B3GALT5: variants seen among roughly 807,000 people sequenced by gnomAD.
The protein encoded by B3GALT5 is UDP-Gal:betaGlcNAc beta 1,3-galactosyltransferase, polypeptide 5.
For missense variants in B3GALT5, 328 were observed against 396.6 expected (o/e 0.83, Z 1.47); for synonymous variants, 156 against 158.6 (o/e 0.98, Z 0.12).
intron 1 of B3GALT5, among the ~76,000 whole-genome samples, chr21:39,641,790 C>G (rs577665282): frequency 3.9e-5 from 6 of 152,328 alleles, no homozygotes; most frequent in African/African-American, 1.4e-4. Flanking sequence ...AATACATGCT[C>G]TCTTTCTCCT....
intron 1 of B3GALT5, among the ~76,000 whole-genome samples, chr21:39,626,104 TG>T (rs1352936824): frequency 6.6e-6 from 1 of 152,144 alleles, no homozygotes; most frequent in Non-Finnish European, 1.5e-5. Context: ...CCCCAGCCCC[TG>T]GGAACCCCCA....
chr21:39,665,745 A>G lies in B3GALT5; in HGVS notation c.*4253A>G, dbSNP rs1349637666. On this transcript the variant is annotated 3_prime_UTR_variant, in exon 4 of 4. Coordinates refer to ENST00000684187, the MANE Select transcript of B3GALT5 (RefSeq NM_001356336.2). ...GCCTACCCTGACCTCCCTGTAGGAAAATGCAACTCACCTCACTCCCATGCC... is the reference window on the plus strand; with the variant it reads ...GCCTACCCTGACCTCCCTGTAGGAAGATGCAACTCACCTCACTCCCATGCC... 6.6e-6 allele frequency: 1 copy of G among 152,214 alleles called. No individual in the cohort carries two copies. The highest frequency in any genetic ancestry group is 1.5e-5 in the Non-Finnish European group (1 of 68,058). The allele number at this position is 152,214 out of a possible 1,614,324, so 9.4% of individuals were successfully genotyped here. A position where few individuals can be genotyped will look rare whatever the true frequency, so the allele number is the denominator to read the frequency against.
chr21:39,639,347 T>TTCCTTCCTTCCTTCCTTCC (rs2079260005), intron 1 of B3GALT5, among the ~76,000 whole-genome samples: 3 of 66,736 alleles, frequency 4.5e-5, no homozygotes. Flanking sequence ...TCTTTCTTTC[T>TTCCTTCCTTCCTTCCTTCC]TTCCTTCCTT....
rs142031178 is a variant in B3GALT5, at chr21:39,642,599, T to C, written c.-391-3793T>C. On this transcript the variant is annotated intron_variant, in intron 1 of 3. Coordinates refer to ENST00000684187, the MANE Select transcript of B3GALT5 (RefSeq NM_001356336.2). ...TGTTTCTGTTTGCTCTGTCTCTTTC[T>C]TTGGAAAGTACTTGTAGGATCAGCT... 1.9e-3 allele frequency among the ~76,000 whole-genome samples: 286 copies of C among 152,344 alleles called. 1 individual carries two copies. Among genetic ancestry groups the C allele is most frequent in the African/African-American group, 6.6e-3 (276 of 41,594 alleles).
intron 1 of B3GALT5, among the ~76,000 whole-genome samples, chr21:39,615,976 AT>A (rs1569204530): frequency 6.6e-6 from 1 of 152,250 alleles, no homozygotes; most frequent in African/African-American, 2.4e-5. Context: ...TTGAAAAGTA[AT>A]TCCCAAAAAG....
At chr21:39,641,206 G>A (rs2079287333) in intron 1 of B3GALT5, among the ~76,000 whole-genome samples, 1 of 152,152 alleles carries the variant, frequency 6.6e-6, no homozygotes, top group African/African-American at 2.4e-5. Flanking sequence ...CTACAAACAT[G>A]ATAAATCTCA....
In B3GALT5 at chr21:39,668,376, A is replaced by G. The variant is rs924094987; in HGVS notation, c.*6884A>G. The G allele has an allele frequency of 6.6e-6, 1 of 152,168 alleles. No homozygotes were observed. Among genetic ancestry groups the G allele is most frequent in the South Asian group, 2.1e-4 (1 of 4,826 alleles). The allele number at this position is 152,168 out of a possible 1,614,324, so 9.4% of individuals were successfully genotyped here. ...AAGCTAGCCTCTGCAAACTCAGGAT[A>G]TATATTCCAAATATCCCTGATTTGG... On this transcript the variant is annotated 3_prime_UTR_variant, in exon 4 of 4. Transcript: ENST00000684187.
At chr21:39,633,972 A>C (rs975667087) in intron 1 of B3GALT5, among the ~76,000 whole-genome samples, 1 of 152,160 alleles carries the variant, frequency 6.6e-6, no homozygotes, top group Non-Finnish European at 1.5e-5. Flanking sequence ...ATATTTGTGC[A>C]TGACTGACTA....
At chr21:39,617,706 T>C (rs1042520598) in intron 1 of B3GALT5, among the ~76,000 whole-genome samples, 10 of 152,230 alleles carry the variant, frequency 6.6e-5, no homozygotes, top group Non-Finnish European at 1.5e-4. Context: ...CGGCTTTGAA[T>C]GTGGCCCCAA....
chr21:39,617,387 G>A (rs490910), intron 1 of B3GALT5, among the ~76,000 whole-genome samples: 650 of 152,308 alleles, frequency 4.3e-3, no homozygotes, highest in Middle Eastern at 6.8e-3. Context: ...TCACAGTTCT[G>A]CATGGCTGGG....
intron 1 of B3GALT5, among the ~76,000 whole-genome samples, chr21:39,629,819 C>T (rs866252485): frequency 1.3e-5 from 2 of 152,090 alleles, no homozygotes; most frequent in Admixed American, 6.5e-5. Flanking sequence ...TTTATTGTTT[C>T]GTGACTAGTA....
chr21:39,646,314 C>T (rs960017069), intron 1 of B3GALT5, 78 bp from the exon 2 acceptor site: 2 of 152,184 alleles, frequency 1.3e-5, no homozygotes, highest in African/African-American at 4.8e-5. Context: ...GATTCTCTTT[C>T]TTCTGAGGAA....
Position 39,639,398 on chromosome 21 carries a change from CTTTTTCTTTCTT to C in B3GALT5, c.-391-6992_-391-6981del, listed in dbSNP as rs1160304057. On this transcript the variant is annotated intron_variant, in intron 1 of 3. Coordinates refer to ENST00000684187, the MANE Select transcript of B3GALT5 (RefSeq NM_001356336.2). ...TCCTTCCTTCCTTCCTTCCTTCTTTCTTTTTCTTTCTTTCTTTCTTTCTTTCTTTCTTTCTTT... is the reference window on the plus strand; with the variant it reads ...TCCTTCCTTCCTTCCTTCCTTCTTTCTCTTTCTTTCTTTCTTTCTTTCTTT... Among the ~76,000 whole-genome samples, 5 of 75,916 alleles carry C rather than the reference CTTTTTCTTTCTT, an allele frequency of 6.6e-5. 1 individual carries two copies. The South Asian group carries it at 1.5e-3, about 23-fold the overall frequency. 49.8% of individuals were successfully genotyped at this position (75,916 alleles called of 152,430 possible). A position where few individuals can be genotyped will look rare whatever the true frequency, so the allele number is the denominator to read the frequency against.
At chr21:39,639,412 CTT>C (rs773449003) in intron 1 of B3GALT5, among the ~76,000 whole-genome samples, 2,454 of 98,870 alleles carry the variant, frequency 0.025, 107 homozygotes, top group Admixed American at 0.067. Context: ...TTCTTTCTTT[CTT>C]TCTTTCTTTC....
Position 39,670,177 on chromosome 21 carries a change from C to T in B3GALT5, c.*8685C>T, listed in dbSNP as rs111612497. 2.6e-3 allele frequency: 393 copies of T among 152,368 alleles called. 2 individuals carry two copies. Among genetic ancestry groups the T allele is most frequent in the Non-Finnish European group, 4.4e-3 (298 of 68,134 alleles). The allele number at this position is 152,368 out of a possible 1,614,324, so 9.4% of individuals were successfully genotyped here. A position where few individuals can be genotyped will look rare whatever the true frequency, so the allele number is the denominator to read the frequency against. ...TTTCCCTGTCTCCCTATCTAATGCC[C>T]TTGCAAAACAAGCCCGGGGGCGCCA... On this transcript the variant is annotated 3_prime_UTR_variant, in exon 4 of 4. Transcript: ENST00000684187.
Position 39,664,608 on chromosome 21 carries a change from G to A in B3GALT5, c.*3116G>A, listed in dbSNP as rs1196977835. Reference sequence around the variant, plus strand: ...TTGCGTTTCTGGTGGAACCCCGCACGAGAGTTTTACTTGTCTGTTGCCTCG... The same window carrying A: ...TTGCGTTTCTGGTGGAACCCCGCACAAGAGTTTTACTTGTCTGTTGCCTCG... On this transcript the variant is annotated 3_prime_UTR_variant, in exon 4 of 4. Transcript: ENST00000684187. The A allele has an allele frequency of 6.6e-6, 1 of 151,518 alleles. No individual in the cohort carries two copies. Among genetic ancestry groups the A allele is most frequent in the Non-Finnish European group, 1.5e-5 (1 of 67,994 alleles). 9.4% of individuals were successfully genotyped at this position (151,518 alleles called of 1,614,324 possible). A position where few individuals can be genotyped will look rare whatever the true frequency, so the allele number is the denominator to read the frequency against.
In B3GALT5 at chr21:39,661,066, G is replaced by A; in HGVS notation, c.507G>A (p.Leu169=). The A allele has an allele frequency of 3.1e-6, 5 of 1,614,198 alleles. No individual in the cohort carries two copies. The highest frequency in any genetic ancestry group is 4.2e-6 in the Non-Finnish European group (5 of 1,180,028). ...TCAATGTTGACTATCTGACTGAACT[G>A]CTTCTGAAGAAAAACAGAACAACCA... is the stretch of plus-strand genomic sequence containing the variant. The part of the protein sequence containing the change: ...MFINVDYLTE[L]LLKKNRTTRF... The change falls in exon 4 of 4, where the codon CTG becomes CTA. Residue 169 remains leucine, a synonymous_variant. Coordinates refer to ENST00000684187, the MANE Select transcript of B3GALT5 (RefSeq NM_001356336.2). This position sits in a 1 kb window ranked among gnomAD's most constrained non-coding sequence, Gnocchi z 4.7.
intron 1 of B3GALT5, among the ~76,000 whole-genome samples, chr21:39,635,031 C>T (rs1288415209): frequency 6.6e-6 from 1 of 152,122 alleles, no homozygotes; most frequent in African/African-American, 2.4e-5. Flanking sequence ...AATGTTCTAC[C>T]ATGCCATCTG....
chr21:39,644,680 G>A (rs766732615), intron 1 of B3GALT5, among the ~76,000 whole-genome samples: 1 of 152,150 alleles, frequency 6.6e-6, no homozygotes, highest in South Asian at 2.1e-4. Context: ...GGAGGGAAAG[G>A]GAGCTAGTAT....
Sources: allele counts gnomAD v4.1 joint callset (sites outside exome capture counted in the v4.1 genomes callset), GRCh38; gene constraint gnomAD v4.1.1; non-coding constraint Gnocchi (gnomAD v3.1); transcripts MANE v1.5; gene names NCBI Gene and HGNC (gene_info 2026-07-23, HGNC 2026-07-21).